MIER1: variants seen among roughly 807,000 people sequenced by gnomAD.
MIER1 encodes the protein mesoderm induction early response protein 1.
MIER1 carries 40 observed loss-of-function variants against 75.7 expected under a neutral mutation model. The ratio of observed to expected loss-of-function variants is 0.53; its 90% CI spans 0.41 to 0.69. The LOEUF is 0.69. Among genes scored for constraint, MIER1 ranks in the 30% least tolerant of loss-of-function variants. The pLI is 0.00. For synonymous variants in MIER1, 213 were observed against 223.4 expected (o/e 0.95, Z 0.42); for missense variants, 574 against 680.2 (o/e 0.84, Z 1.74).
Position 66,986,085 on chromosome 1 carries a change from G to C in MIER1, c.*1185G>C, listed in dbSNP as rs1469124042. Reference sequence around the variant, plus strand: ...GGGGTCAAGTGATACTTAGATATTGGCACACACAAGGAACAACTGTTGGCA... The same window carrying C: ...GGGGTCAAGTGATACTTAGATATTGCCACACACAAGGAACAACTGTTGGCA... On this transcript the variant is annotated 3_prime_UTR_variant, in exon 14 of 14. Transcript: ENST00000401041. 1 of 1,049,480 alleles carries C rather than the reference G, an allele frequency of 9.5e-7. No individual in the cohort carries two copies. 65.0% of individuals were successfully genotyped at this position (1,049,480 alleles called of 1,614,324 possible).
At chr1:66,940,489 A>G (rs74506288) in intron 3 of MIER1, among the ~76,000 whole-genome samples, 4 of 152,268 alleles carry the variant, frequency 2.6e-5, no homozygotes, top group Admixed American at 6.5e-5. Flanking sequence ...AAACGATTCA[A>G]CAAGTGAATA....
At chr1:66,955,226 A>G (rs1314529363) in intron 4 of MIER1, among the ~76,000 whole-genome samples, 1 of 151,744 alleles carries the variant, frequency 6.6e-6, no homozygotes, top group Non-Finnish European at 1.5e-5. Context: ...TTAATGTTCA[A>G]GCTTTATTAC....
chr1:66,929,159 T>C (rs1305442847), intron 2 of MIER1: 3 of 634,168 alleles, frequency 4.7e-6, no homozygotes, highest in South Asian at 3.4e-5. Context: ...AAGTTAAGTA[T>C]TAACTTTAAG....
chr1:66,959,808 A>ATTT, intron 7 of MIER1, 65 bp downstream of exon 7: 1 of 667,446 alleles, frequency 1.5e-6, no homozygotes, highest in South Asian at 2.8e-5. Flanking sequence ...GCCTCGTGTA[A>ATTT]TTATTTTTTT....
intron 3 of MIER1, 154 bp downstream of exon 3, chr1:66,940,206 T>C: frequency 3.8e-6 from 2 of 520,474 alleles, no homozygotes; most frequent in Non-Finnish European, 6.7e-6. Flanking sequence ...AAGGTTTGAC[T>C]GCCCATGAAA....
chr1:66,947,834 T>G, intron 4 of MIER1: 2 of 674,660 alleles, frequency 3.0e-6, no homozygotes, highest in Non-Finnish European at 3.7e-6. Flanking sequence ...ACTAGCTGCT[T>G]TTGTTGTTAA....
At chr1:66,941,710 C>A (rs531031610) in intron 3 of MIER1, among the ~76,000 whole-genome samples, 70 of 152,222 alleles carry the variant, frequency 4.6e-4, no homozygotes, top group African/African-American at 1.6e-3. Flanking sequence ...GTGGCTCATG[C>A]CTGTAATCCC....
At chr1:66,970,725 G>A (rs1663423872) in intron 8 of MIER1, 83 bp from the exon 9 acceptor site, 12 of 1,084,448 alleles carry the variant, frequency 1.1e-5, no homozygotes, top group Non-Finnish European at 1.3e-6. Flanking sequence ...ATTTGGCTCT[G>A]AGTTGTTTAT....
intron 9 of MIER1, 88 bp downstream of exon 9, chr1:66,971,047 C>G: frequency 7.9e-7 from 1 of 1,267,926 alleles, no homozygotes; most frequent in East Asian, 2.7e-5. Flanking sequence ...TTCTGTCCAC[C>G]AAACTTTTTA....
intron 10 of MIER1, 133 bp from the exon 11 acceptor site, chr1:66,972,764 C>T (rs879045715): frequency 1.9e-6 from 1 of 540,500 alleles, no homozygotes; most frequent in Non-Finnish European, 3.3e-6. Flanking sequence ...TCTTTTGCAA[C>T]AATTAGTAAT....
intron 4 of MIER1, chr1:66,948,231 A>G (rs1658119748): frequency 1.1e-6 from 1 of 938,582 alleles, no homozygotes; most frequent in Non-Finnish European, 1.3e-6. Flanking sequence ...CTAATAAAAT[A>G]TATCATGCAT....
At chr1:66,951,351 A>G (rs1570283810) in intron 4 of MIER1, among the ~76,000 whole-genome samples, 1 of 150,306 alleles carries the variant, frequency 6.7e-6, no homozygotes, top group Admixed American at 6.6e-5. Context: ...CTGGTCTTGA[A>G]CTCCTGTGTG....
chr1:66,925,085 C>A lies in MIER1; in HGVS notation c.57C>A (p.Ser19Arg). Residue 19 changes from serine to arginine, a missense_variant, in exon 1 of 14, where the codon AGC becomes AGA. This residue lies in a region of MIER1 where 309 missense variants were observed against 352.8 expected (regional missense o/e 0.88). Coordinates refer to ENST00000401041, the MANE Select transcript of MIER1 (RefSeq NM_001077700.3). ...GCAGCGAAGGTGGCGGCGGCAGCAGCGGCAGCGGCTGTAAGTGCAGCCTCC... is the reference window on the plus strand; with the variant it reads ...GCAGCGAAGGTGGCGGCGGCAGCAGAGGCAGCGGCTGTAAGTGCAGCCTCC... ...GGSSEGGGGS[S>R]GSGYGVVARF... 2 of 1,546,888 alleles carry A rather than the reference C, an allele frequency of 1.3e-6. No individual in the cohort carries two copies. Among genetic ancestry groups the A allele is most frequent in the Admixed American group, 2.0e-5 (1 of 49,222 alleles).
chr1:66,928,805 G>A, intron 2 of MIER1: 2 of 803,040 alleles, frequency 2.5e-6, no homozygotes, highest in Non-Finnish European at 4.1e-6. Flanking sequence ...ATACTGTACA[G>A]TACAGTTAAT....
intron 8 of MIER1, among the ~76,000 whole-genome samples, chr1:66,968,980 T>C (rs893101296): frequency 3.9e-5 from 6 of 152,190 alleles, no homozygotes; most frequent in African/African-American, 1.4e-4. Flanking sequence ...ATAAGAACTT[T>C]CGTCTGCAGA....
At chr1:66,946,748 C>A in intron 4 of MIER1, 1 of 985,680 alleles carries the variant, frequency 1.0e-6, no homozygotes, top group Non-Finnish European at 1.2e-6. Flanking sequence ...CTCTTCCTAT[C>A]AAGGTGACCA....
rs1666628888 is a variant in MIER1 at position 66,985,240 on chromosome 1, T to G, written c.*340T>G. 1.0e-6 allele frequency: 1 copy of G among 971,568 alleles called. No homozygotes were observed. Among genetic ancestry groups the G allele is most frequent in the South Asian group, 4.8e-5 (1 of 20,940 alleles). 60.2% of individuals were successfully genotyped at this position (971,568 alleles called of 1,614,324 possible). A position where few individuals can be genotyped will look rare whatever the true frequency, so the allele number is the denominator to read the frequency against. ...TATCTGTACCTTCTCATTTGATGTA[T>G]TAATCATAAAATTTCACTACAAGGT... On this transcript the variant is annotated 3_prime_UTR_variant, in exon 14 of 14. Transcript: ENST00000401041.
At chr1:66,940,704 G>A (rs1656010365) in intron 3 of MIER1, among the ~76,000 whole-genome samples, 1 of 152,104 alleles carries the variant, frequency 6.6e-6, no homozygotes, top group African/African-American at 2.4e-5. Context: ...CCACTGTAGT[G>A]ATCTTTAAGA....
rs556967258 is a variant in MIER1 at position 66,978,808 on chromosome 1, G to A, written c.1229+2086G>A. Among the ~76,000 whole-genome samples, 321 of 152,238 alleles carry A rather than the reference G, an allele frequency of 2.1e-3. 3 individuals are homozygous for A. The highest frequency in any genetic ancestry group is 3.4e-3 in the Middle Eastern group (1 of 294). On this transcript the variant is annotated intron_variant, in intron 12 of 13. Transcript: ENST00000401041. ...ACCAAAGTGTGGGCTGGCTTAGTTG[G>A]TCCTCTGTGATGTCAAGATCAACAG...
Sources: allele counts gnomAD v4.1 joint callset (sites outside exome capture counted in the v4.1 genomes callset), GRCh38; gene constraint gnomAD v4.1.1; regional missense constraint gnomAD v4.1.1; transcripts MANE v1.5; gene names NCBI Gene and HGNC (gene_info 2026-07-23, HGNC 2026-07-21).